Variants in MYO1D observed in about 807,000 individuals in gnomAD.
MYO1D encodes myosin ID.
In MYO1D, 83 loss-of-function variants were observed where a neutral mutation model predicts 122.0. The observed-to-expected ratio is 0.68, with a 90% CI of 0.57 to 0.82. The LOEUF (loss-of-function observed/expected upper bound fraction) is 0.82, where lower values mean the gene tolerates loss of function less well. Among genes scored for constraint, MYO1D ranks in the 40% least tolerant of loss-of-function variants. The probability of loss-of-function intolerance (pLI) is 0.00; values close to 1 mark genes in which losing one functional copy is unlikely to be tolerated. For synonymous variants in MYO1D, 464 were observed against 446.9 expected (o/e 1.04, Z -0.48); for missense variants, 1,157 against 1,269.5 (o/e 0.91, Z 1.35).
intron 4 of MYO1D, among the ~76,000 whole-genome samples, chr17:32,773,355 C>T (rs1221765494): frequency 5.9e-5 from 9 of 152,298 alleles, no homozygotes; most frequent in South Asian, 2.1e-4. Flanking sequence ...GCACCGGTCA[C>T]GGATTCGGGA....
intron 1 of MYO1D, among the ~76,000 whole-genome samples, chr17:32,846,741 A>G (rs2090940868): frequency 6.6e-6 from 1 of 152,224 alleles, no homozygotes; most frequent in Admixed American, 6.5e-5. Context: ...GCACTTTGGG[A>G]AGCCGAGGCA....
Position 32,771,186 on chromosome 17 carries a change from G to A in MYO1D, c.653C>T (p.Ser218Phe), listed in dbSNP as rs767870165. ...TGAAAGGGATTTCTGGAGATGTAGA[G>A]AGCGTAGCATTTGTTCTGAACCTCC... is the stretch of plus-strand genomic sequence containing the variant. Reference protein sequence around the residue: ...LQGGSEQMLRSLHLQKSLSSY... With the variant: ...LQGGSEQMLRFLHLQKSLSSY... Residue 218 changes from serine (S) to phenylalanine (F), a missense_variant, in exon 6 of 22, where the codon TCT becomes TTT. Physicochemically the swap from Ser to Phe is radical, Grantham distance 155. Transcript: ENST00000318217. The A allele has an allele frequency of 9.9e-6, 16 of 1,611,806 alleles. No individual in the cohort carries two copies. In the Admixed American group the frequency reaches 2.5e-4, roughly 25 times the overall value.
intron 21 of MYO1D, among the ~76,000 whole-genome samples, chr17:32,573,104 T>C (rs1440738504): frequency 6.6e-6 from 1 of 152,214 alleles, no homozygotes; most frequent in Non-Finnish European, 1.5e-5. Flanking sequence ...CTCGGTGTTC[T>C]GTAGCCTTAA....
chr17:32,677,102 G>T (rs1481285500), intron 16 of MYO1D, among the ~76,000 whole-genome samples: 4 of 152,136 alleles, frequency 2.6e-5, no homozygotes, highest in African/African-American at 9.7e-5. Context: ...GAGCCACCGT[G>T]CCCGGCCAGA....
At chr17:32,664,067 T>C (rs1396741876) in intron 16 of MYO1D, among the ~76,000 whole-genome samples, 1 of 152,228 alleles carries the variant, frequency 6.6e-6, no homozygotes, top group Non-Finnish European at 1.5e-5. Flanking sequence ...CCTGCAGTTA[T>C]ATCACCAACT....
At chr17:32,645,737 A>G (rs1171628155) in intron 19 of MYO1D, among the ~76,000 whole-genome samples, 1 of 152,060 alleles carries the variant, frequency 6.6e-6, no homozygotes, top group African/African-American at 2.4e-5. Context: ...TTCTCGTGCC[A>G]TGGTTTTCAG....
chr17:32,637,674 TAAATA>T (rs2088123473), intron 20 of MYO1D, among the ~76,000 whole-genome samples: 2 of 151,842 alleles, frequency 1.3e-5, no homozygotes, highest in African/African-American at 4.8e-5. Context: ...GTCTAAAAAA[TAAATA>T]AAATAAAATA....
intron 21 of MYO1D, among the ~76,000 whole-genome samples, chr17:32,508,443 T>A (rs146178436): frequency 0.014 from 2,169 of 152,034 alleles, 49 homozygotes; most frequent in African/African-American, 0.049. Context: ...GCCCAGCTAA[T>A]TTTTGTATTT....
intron 1 of MYO1D, among the ~76,000 whole-genome samples, chr17:32,867,968 C>T (rs763762453): frequency 4.0e-4 from 60 of 150,106 alleles, no homozygotes; most frequent in Non-Finnish European, 1.5e-4. Context: ...AGCAATAGTG[C>T]CTAGATGTTA....
chr17:32,806,881 G>A (rs1442660032), intron 1 of MYO1D, among the ~76,000 whole-genome samples: 2 of 152,288 alleles, frequency 1.3e-5, no homozygotes, highest in South Asian at 2.1e-4. Flanking sequence ...AAGGAGTGGT[G>A]CAGAGTCAAC....
chr17:32,776,793 C>G (rs1031334842), intron 3 of MYO1D, among the ~76,000 whole-genome samples: 1 of 152,276 alleles, frequency 6.6e-6, no homozygotes, highest in Non-Finnish European at 1.5e-5. Flanking sequence ...CTTTATTCGA[C>G]GAATGCTAAC....
At chr17:32,843,982 ATATAT>A (rs2090909667) in intron 1 of MYO1D, among the ~76,000 whole-genome samples, 1 of 151,588 alleles carries the variant, frequency 6.6e-6, no homozygotes, top group Non-Finnish European at 1.5e-5. Context: ...AAAAAGATAA[ATATAT>A]TTTATATATA....
chr17:32,514,132 C>T (rs1456786406), intron 21 of MYO1D, among the ~76,000 whole-genome samples: 1 of 149,384 alleles, frequency 6.7e-6, no homozygotes, highest in Non-Finnish European at 1.5e-5. Flanking sequence ...ATCCTAGTTA[C>T]TCGGGAGGCT....
rs945893191 is a variant in MYO1D at position 32,492,615 on chromosome 17, T to A, written c.*2144A>T. The stretch of plus-strand genomic sequence containing the variant: ...AGCAGAACACCTTTAAAAATAAGAT[T>A]TAATGCTTTATTGCTCTTGATGGCA... On this transcript the variant is annotated 3_prime_UTR_variant, in exon 22 of 22. Transcript: ENST00000318217. 1.3e-5 allele frequency: 2 copies of A among 152,578 alleles called. No homozygotes were observed. Among genetic ancestry groups the A allele is most frequent in the African/African-American group, 4.8e-5 (2 of 41,440 alleles). The allele number at this position is 152,578 out of a possible 1,614,324, so 9.5% of individuals were successfully genotyped here.
chr17:32,542,980 A>G (rs960680036), intron 21 of MYO1D, among the ~76,000 whole-genome samples: 5 of 152,230 alleles, frequency 3.3e-5, no homozygotes, highest in Non-Finnish European at 7.3e-5. Flanking sequence ...TAATCCCGGC[A>G]CTTTGGAAGG....
At chr17:32,651,928 G>A (rs1411613066) in intron 19 of MYO1D, among the ~76,000 whole-genome samples, 1 of 152,056 alleles carries the variant, frequency 6.6e-6, no homozygotes, top group Non-Finnish European at 1.5e-5. Flanking sequence ...CACCCGCCTC[G>A]GCCTTCCAAA....
rs145387401 is a variant in MYO1D at position 32,764,872 on chromosome 17, T to C, written c.1035+6A>G. ...CCAGGTGACATAGGGTCAGTTACAC[T>C]CTCACCTTGGCAAAGGCGTCTCTGC... On this transcript the variant is annotated splice_donor_region_variant and intron_variant, in intron 8 of 21. Coordinates refer to ENST00000318217, the MANE Select transcript of MYO1D (RefSeq NM_015194.3). 1.1e-3 allele frequency: 1,790 copies of C among 1,613,874 alleles called. 9 individuals are homozygous for C. Among genetic ancestry groups the C allele is most frequent in the Non-Finnish European group, 7.7e-4 (903 of 1,179,994 alleles).
chr17:32,863,761 T>C (rs1196665369), intron 1 of MYO1D, among the ~76,000 whole-genome samples: 4 of 152,174 alleles, frequency 2.6e-5, no homozygotes, highest in Admixed American at 6.5e-5. Context: ...GTGCCCTCTA[T>C]GTGTAAAGAA....
At chr17:32,498,159 G>C (rs1909187766) in intron 21 of MYO1D, 1 of 152,226 alleles carries the variant, frequency 6.6e-6, no homozygotes. Flanking sequence ...CCCTCTCGGG[G>C]ACCTGTCCCT....
Sources: gnomAD v4.1 joint callset for allele counts (sites outside exome capture counted in the v4.1 genomes callset) on GRCh38, gnomAD v4.1.1 for gene constraint, MANE v1.5 for transcripts, NCBI Gene and HGNC (gene_info 2026-07-23, HGNC 2026-07-21) for gene names.